The following MACROD2 variants were observed in gnomAD, a reference collection of about 807,000 sequenced individuals.
The protein encoded by MACROD2 is ADP-ribose glycohydrolase MACROD2.
A neutral mutation model predicts 70.4 loss-of-function variants in MACROD2; 36 were observed. The ratio of observed to expected loss-of-function variants is 0.51; its 90% confidence interval spans 0.39 to 0.68. MACROD2 has a LOEUF of 0.68. MACROD2 is among the 30% of genes least tolerant of loss of function. The pLI is 0.00. For synonymous variants in MACROD2, 172 were observed against 178.8 expected, an observed-to-expected ratio of 0.96 and a Z score of 0.30; for missense variants, 496 against 538.4, an observed-to-expected ratio of 0.92 and a Z score of 0.78.
intron 6 of MACROD2, among the ~76,000 whole-genome samples, chr20:15,285,534 TC>T (rs2077483295): frequency 6.6e-6 from 1 of 152,204 alleles, no homozygotes; most frequent in Admixed American, 6.5e-5. Context: ...AAATCGTACT[TC>T]AATATGAAGT....
intron 8 of MACROD2, among the ~76,000 whole-genome samples, chr20:15,509,159 T>G (rs1434705750): frequency 6.6e-6 from 1 of 152,196 alleles, no homozygotes; most frequent in East Asian, 1.9e-4. Flanking sequence ...CTGGAAAAAT[T>G]TTGAGAGTCA....
intron 6 of MACROD2, among the ~76,000 whole-genome samples, chr20:15,311,901 C>A (rs2146148696): frequency 6.6e-6 from 1 of 152,116 alleles, no homozygotes; most frequent in South Asian, 2.1e-4. Context: ...ACTCAGGCAG[C>A]AAACCTGTAC....
intron 3 of MACROD2, among the ~76,000 whole-genome samples, chr20:14,403,151 AT>A (rs2122842440): frequency 6.6e-6 from 1 of 152,304 alleles, no homozygotes; most frequent in East Asian, 1.9e-4. Flanking sequence ...AGAATTATGC[AT>A]TTGTTTAAAT....
intron 3 of MACROD2, among the ~76,000 whole-genome samples, chr20:14,461,932 G>A (rs1419738322): frequency 6.6e-6 from 1 of 152,000 alleles, no homozygotes; most frequent in East Asian, 1.9e-4. Flanking sequence ...ATTGTGAATA[G>A]TGCTGCAAGA....
At chr20:15,819,403 TTA>T (rs759927949) in intron 8 of MACROD2, among the ~76,000 whole-genome samples, 1 of 141,354 alleles carries the variant, frequency 7.1e-6, no homozygotes, top group Non-Finnish European at 1.5e-5. Flanking sequence ...TATAAAATAT[TTA>T]TATATATTTA....
chr20:15,142,783 T>C (rs2076202108), intron 5 of MACROD2, among the ~76,000 whole-genome samples: 1 of 152,088 alleles, frequency 6.6e-6, no homozygotes, highest in Non-Finnish European at 1.5e-5. Context: ...GTCCTTGTGA[T>C]AGTTTGCTGA....
chr20:14,205,927 A>G (rs2081519413), intron 3 of MACROD2, among the ~76,000 whole-genome samples: 2 of 152,190 alleles, frequency 1.3e-5, no homozygotes, highest in Non-Finnish European at 2.9e-5. Flanking sequence ...ATCCATGAGG[A>G]AAGCTTGAGA....
rs200797581 is a variant in MACROD2, at chr20:15,823,425, G to A, written c.646-39320G>A. 1.4e-4 allele frequency among the ~76,000 whole-genome samples: 21 copies of A among 152,044 alleles called. No individual in the cohort carries two copies. The East Asian group carries it at 2.9e-3, about 21-fold the overall frequency. On this transcript the variant is annotated intron_variant, in intron 8 of 17. Coordinates refer to ENST00000684519, the MANE Select transcript of MACROD2 (RefSeq NM_001351661.2). ...CAGACATATCTGCCAGAAAAATCTG[G>A]GGTTGTAATTTAGGTTTTATAGTCC...
In MACROD2 at chr20:14,952,327, A is replaced by G. The variant is rs570986140; in HGVS notation, c.418+267368A>G. Among the ~76,000 whole-genome samples the G allele has an allele frequency of 7.9e-5, 12 of 152,282 alleles. No homozygotes were observed. The South Asian group carries it at 2.5e-3, about 32-fold the overall frequency. On this transcript the variant is annotated intron_variant, in intron 5 of 17. Transcript: ENST00000684519. ...AATGTGGGTATAATGTTGCCATCTA[A>G]TAGTTCAAAGGAAATACAGCTTAGA...
At chr20:15,970,897 C>A (rs1052480936) in intron 13 of MACROD2, among the ~76,000 whole-genome samples, 5 of 152,050 alleles carry the variant, frequency 3.3e-5, no homozygotes, top group African/African-American at 1.2e-4. Flanking sequence ...GCAAAACAGG[C>A]AATAGACTAA....
At chr20:14,724,534 G>A (rs1372946754) in intron 5 of MACROD2, among the ~76,000 whole-genome samples, 2 of 152,154 alleles carry the variant, frequency 1.3e-5, no homozygotes, top group African/African-American at 4.8e-5. Flanking sequence ...TGATAAAATA[G>A]GATTGGGCAC....
At chr20:14,746,276 G>A (rs547936828) in intron 5 of MACROD2, among the ~76,000 whole-genome samples, 16 of 152,146 alleles carry the variant, frequency 1.1e-4, no homozygotes, top group Middle Eastern at 3.4e-3. Flanking sequence ...TCCTGTGACC[G>A]CTCATGTTTG....
chr20:14,517,542 T>C (rs1324421466), intron 4 of MACROD2, among the ~76,000 whole-genome samples: 1 of 151,638 alleles, frequency 6.6e-6, no homozygotes, highest in African/African-American at 2.4e-5. Context: ...TGTCAGTGGG[T>C]GGGGGACTAG....
At chr20:14,428,051 T>A (rs1485592719) in intron 3 of MACROD2, among the ~76,000 whole-genome samples, 1 of 152,156 alleles carries the variant, frequency 6.6e-6, no homozygotes, top group Non-Finnish European at 1.5e-5. Flanking sequence ...GTTAGTAAAA[T>A]AATGATATCA....
chr20:16,052,505 G>T lies in MACROD2; in HGVS notation c.*2629G>T, dbSNP rs1318389732. On this transcript the variant is annotated 3_prime_UTR_variant, in exon 18 of 18. Transcript: ENST00000684519. ...GTTTGCATACAGAGGATCAAAGTAG[G>T]CCTTCACCATAATAGTTCTAATTAA... The T allele has an allele frequency of 6.6e-6, 1 of 152,466 alleles. No individual in the cohort carries two copies. Among genetic ancestry groups the T allele is most frequent in the Non-Finnish European group, 1.5e-5 (1 of 68,036 alleles). The allele number at this position is 152,466 out of a possible 1,614,324, so 9.4% of individuals were successfully genotyped here.
intron 6 of MACROD2, among the ~76,000 whole-genome samples, chr20:15,251,253 G>A (rs1030322086): frequency 7.9e-5 from 12 of 152,276 alleles, no homozygotes; most frequent in Non-Finnish European, 8.8e-5. Flanking sequence ...CCACTGAGAA[G>A]CTGCCATGTT....
At chr20:15,341,068 G>T (rs985460963) in intron 6 of MACROD2, among the ~76,000 whole-genome samples, 1 of 152,102 alleles carries the variant, frequency 6.6e-6, no homozygotes, top group Non-Finnish European at 1.5e-5. Context: ...GGAAAGAGAG[G>T]TTACTTGTTT....
chr20:15,819,383 AG>A (rs2063913208), intron 8 of MACROD2, among the ~76,000 whole-genome samples: 1 of 144,282 alleles, frequency 6.9e-6, no homozygotes, highest in South Asian at 2.1e-4. Flanking sequence ...ATATAAATAT[AG>A]ATAACATATA....
chr20:14,696,827 G>A (rs941756443), intron 5 of MACROD2, among the ~76,000 whole-genome samples: 1 of 152,198 alleles, frequency 6.6e-6, no homozygotes, highest in Middle Eastern at 3.4e-3. Flanking sequence ...GATGCTCAGT[G>A]TCTGCTTTCT....
Sources: allele counts gnomAD v4.1 joint callset (sites outside exome capture counted in the v4.1 genomes callset), GRCh38; gene constraint gnomAD v4.1.1; transcripts MANE v1.5; gene names NCBI Gene and HGNC (gene_info 2026-07-23, HGNC 2026-07-21).